NME5: variants seen among roughly 807,000 people sequenced by gnomAD.
NME5 encodes the protein nucleoside diphosphate kinase 5.
NME5 carries 18 observed loss-of-function variants against 21.6 expected under a neutral mutation model. The observed-to-expected ratio is 0.83, with a 90% CI of 0.58 to 1.24. NME5 has a LOEUF of 1.24. NME5 is among the 50% of genes most tolerant of loss of function. NME5 has a pLI of 0.00. For synonymous variants in NME5, 70 were observed against 80.6 expected, an observed-to-expected ratio of 0.87 and a Z score of 0.71; for missense variants, 223 against 255.4, an observed-to-expected ratio of 0.87 and a Z score of 0.86.
At chr5:138,126,753 G>A (rs1235316128) in intron 4 of NME5, among the ~76,000 whole-genome samples, 1 of 151,988 alleles carries the variant, frequency 6.6e-6, no homozygotes, top group Non-Finnish European at 1.5e-5. Flanking sequence ...TTCAAGACCA[G>A]CCTGGGCAAC....
rs70979583 is a variant in NME5, at chr5:138,123,985, CTTTTTTTTTTTTT to C, written c.436+4481_436+4493del. ...CCCTGATGATTAGTGATTTTGAGCA[CTTTTTTTTTTTTT>C]TTTTTTTTTTTTTTTGAGATGGAGT... On this transcript the variant is annotated intron_variant, in intron 4 of 5. Coordinates refer to ENST00000265191, the MANE Select transcript of NME5 (RefSeq NM_003551.3). Among the ~76,000 whole-genome samples the C allele has an allele frequency of 2.1e-4, 8 of 37,250 alleles. No homozygotes were observed. The East Asian group carries it at 5.2e-3, about 24-fold the overall frequency. The allele number at this position is 37,250 out of a possible 152,430, so 24.4% of individuals were successfully genotyped here.
intron 2 of NME5, among the ~76,000 whole-genome samples, chr5:138,136,216 T>C (rs1751694671): frequency 6.6e-6 from 1 of 152,232 alleles, no homozygotes; most frequent in Non-Finnish European, 1.5e-5. Flanking sequence ...TGACAGGTAG[T>C]AAGAGCACAA....
chr5:138,129,658 C>T (rs970412504), intron 2 of NME5, among the ~76,000 whole-genome samples, 190 bp from the exon 3 acceptor site: 2 of 152,054 alleles, frequency 1.3e-5, no homozygotes, highest in Non-Finnish European at 2.9e-5. Flanking sequence ...ATTACTTAGC[C>T]TACTTAAGAA....
At chr5:138,116,675 A>G (rs547352525) in intron 5 of NME5, 1 of 153,098 alleles carries the variant, frequency 6.5e-6, no homozygotes, top group Admixed American at 6.5e-5. Flanking sequence ...AGCATTTCAT[A>G]TTTTAAAAAA....
intron 2 of NME5, among the ~76,000 whole-genome samples, chr5:138,136,920 G>C (rs1751711694): frequency 6.6e-6 from 1 of 151,880 alleles, no homozygotes; most frequent in South Asian, 2.1e-4. Flanking sequence ...TGGGATTACA[G>C]GCATGAGCCA....
intron 2 of NME5, among the ~76,000 whole-genome samples, chr5:138,137,003 A>AC: frequency 6.6e-6 from 1 of 151,686 alleles, no homozygotes; most frequent in South Asian, 2.1e-4. Flanking sequence ...GTCATAACAA[A>AC]AAAAAAAAAG....
chr5:138,133,885 G>A (rs1163568154), intron 2 of NME5, among the ~76,000 whole-genome samples: 2 of 152,132 alleles, frequency 1.3e-5, no homozygotes, highest in Admixed American at 6.5e-5. Context: ...AAGATGAAAA[G>A]GTTCTAGAAA....
Position 138,122,441 on chromosome 5 carries a change from T to TAA in NME5, c.437-3507_437-3506dup, listed in dbSNP as rs70979581. 3.5e-3 allele frequency among the ~76,000 whole-genome samples: 121 copies of TAA among 34,456 alleles called. 2 individuals carry two copies. The highest frequency in any genetic ancestry group is 9.7e-3 in the African/African-American group (90 of 9,280). 22.6% of individuals were successfully genotyped at this position (34,456 alleles called of 152,430 possible). ...GGTGACAAGAGCGAAACTCTGTCTCTAAAAAAAAAAAAAAAAAAAAAAAAA... is the reference window on the plus strand; with the variant it reads ...GGTGACAAGAGCGAAACTCTGTCTCTAAAAAAAAAAAAAAAAAAAAAAAAAAA... On this transcript the variant is annotated intron_variant, in intron 4 of 5. Transcript: ENST00000265191.
intron 2 of NME5, among the ~76,000 whole-genome samples, chr5:138,133,784 C>CA (rs1363993108): frequency 1.3e-5 from 2 of 152,138 alleles, no homozygotes; most frequent in Non-Finnish European, 2.9e-5. Context: ...CTTGAATAGT[C>CA]AAATTCCTAC....
At chr5:138,137,286 G>A (rs375161235) in intron 2 of NME5, among the ~76,000 whole-genome samples, 10 of 151,858 alleles carry the variant, frequency 6.6e-5, no homozygotes, top group South Asian at 4.2e-4. Context: ...CTGAAATTCC[G>A]TATCTTTTCT....
intron 5 of NME5, among the ~76,000 whole-genome samples, chr5:138,117,419 A>G (rs1383543712): frequency 6.6e-6 from 1 of 152,146 alleles, no homozygotes; most frequent in Non-Finnish European, 1.5e-5. Context: ...AAGTGAAAAG[A>G]CAACCTACAA....
intron 5 of NME5, among the ~76,000 whole-genome samples, chr5:138,117,331 C>A (rs548184539): frequency 1.3e-5 from 2 of 148,538 alleles, no homozygotes; most frequent in East Asian, 2.0e-4. Flanking sequence ...ATCAAAAGCA[C>A]AAGAAATAAA....
intron 2 of NME5, among the ~76,000 whole-genome samples, chr5:138,131,863 C>T (rs1751576393): frequency 6.6e-6 from 1 of 151,994 alleles, no homozygotes; most frequent in South Asian, 2.1e-4. Context: ...CCTGCCGCAG[C>T]CTCCTGAGTA....
chr5:138,115,711 A>G lies in NME5; in HGVS notation c.609T>C (p.Cys203=). The G allele has an allele frequency of 1.3e-6, 2 of 1,584,376 alleles. No individual in the cohort carries two copies. The highest frequency in any genetic ancestry group is 8.5e-7 in the Non-Finnish European group (1 of 1,171,138). ...AAGGTTCTTCTACAATTGGATGGTG[A>G]CAAAGTTTGGGTTTGTTAGGATTAT... The part of the protein sequence containing the change: ...LKNNPNKPKL[C]HHPIVEEPY Residue 203 remains cysteine (C), a synonymous_variant, in exon 6 of 6, where the codon TGT becomes TGC. Transcript: ENST00000265191.
chr5:138,130,218 T>TA (rs1304931186), intron 2 of NME5, among the ~76,000 whole-genome samples: 2 of 151,926 alleles, frequency 1.3e-5, no homozygotes, highest in Admixed American at 1.3e-4. Context: ...AGCCAGGAGT[T>TA]AGAGACCAGC....
chr5:138,116,312 C>T (rs1751154955), intron 5 of NME5: 1 of 152,134 alleles, frequency 6.6e-6, no homozygotes, highest in African/African-American at 2.4e-5. Flanking sequence ...CAATACTTCC[C>T]AAAGCAATCT....
chr5:138,124,687 A>AT (rs940074024), intron 4 of NME5, among the ~76,000 whole-genome samples: 1 of 151,750 alleles, frequency 6.6e-6, no homozygotes, highest in African/African-American at 2.4e-5. Context: ...CCCCCAGCTA[A>AT]TTTTTTTATT....
At chr5:138,128,312 G>C (rs1039565349) in intron 4 of NME5, among the ~76,000 whole-genome samples, 167 bp downstream of exon 4, 1 of 152,188 alleles carries the variant, frequency 6.6e-6, no homozygotes, top group Non-Finnish European at 1.5e-5. Flanking sequence ...GAAATGTCAA[G>C]TTTTCCATTT....
At chr5:138,127,542 T>C in intron 4 of NME5, 1 of 982,188 alleles carries the variant, frequency 1.0e-6, no homozygotes, top group Non-Finnish European at 1.2e-6. Flanking sequence ...ACAGGAAAAA[T>C]AACATACTAA....
Sources: allele counts gnomAD v4.1 joint callset (sites outside exome capture counted in the v4.1 genomes callset), GRCh38; gene constraint gnomAD v4.1.1; transcripts MANE v1.5; gene names NCBI Gene and HGNC (gene_info 2026-07-23, HGNC 2026-07-21).